Variants in CSMD2 observed in about 807,000 individuals in gnomAD.
CSMD2 encodes CUB and Sushi multiple domains 2, also known as CUB and sushi domain-containing protein 2.
A neutral mutation model predicts 398.5 loss-of-function variants in CSMD2; 130 were observed. The observed-to-expected ratio is 0.33, with a 90% CI of 0.28 to 0.38. The LOEUF (loss-of-function observed/expected upper bound fraction) is 0.38, where lower values mean the gene tolerates loss of function less well. Among genes scored for constraint, CSMD2 ranks in the 10% least tolerant of loss-of-function variants. CSMD2 has a pLI of 1.00. For synonymous variants in CSMD2, 1,828 were observed against 1,908.5 expected (o/e 0.96, Z 1.10); for missense variants, 3,829 against 4,764.9 (o/e 0.80, Z 5.78).
At chr1:33,706,147 T>C (rs1402919850) in intron 22 of CSMD2, among the ~76,000 whole-genome samples, 2 of 152,208 alleles carry the variant, frequency 1.3e-5, no homozygotes, top group Non-Finnish European at 2.9e-5. Flanking sequence ...TCTTCCATGA[T>C]GGCTGTAACT....
At chr1:33,722,431 C>T (rs891068296) in intron 19 of CSMD2, among the ~76,000 whole-genome samples, 7 of 152,216 alleles carry the variant, frequency 4.6e-5, no homozygotes, top group African/African-American at 1.4e-4. Context: ...TGCAAGTGTC[C>T]ACATTATCCC....
At chr1:33,748,753 C>G (rs965084664) in intron 13 of CSMD2, among the ~76,000 whole-genome samples, 1 of 152,098 alleles carries the variant, frequency 6.6e-6, no homozygotes, top group African/African-American at 2.4e-5. Context: ...ATAAAATATA[C>G]TACCCTGAAA....
intron 1 of CSMD2, among the ~76,000 whole-genome samples, chr1:34,098,270 G>A (rs1196789404): frequency 2.6e-5 from 2 of 76,660 alleles, no homozygotes; most frequent in Admixed American, 2.9e-4. Flanking sequence ...TTGTGGGGTG[G>A]GGGGAGGGGG....
Position 33,542,831 on chromosome 1 carries a change from A to G in CSMD2, c.9166T>C (p.Phe3056Leu). ...ARVVFSDGLV[F>L]SSSIVYECRE... ...CACTCATAGACGATAGAGCTGGAGA[A>G]AACCAGGCCATCACTGAACACAACT... The change falls in exon 58 of 71, where the codon TTC becomes CTC. Residue 3056 changes from phenylalanine to leucine, a missense_variant. By Grantham distance (22) the Phe-to-Leu change is conservative. Around this residue, in one of 5 missense-constraint regions of CSMD2, gnomAD observed 917 missense variants for 1,199.5 expected, o/e 0.76. Transcript: ENST00000373381. 1 of 1,614,220 alleles carries G rather than the reference A, an allele frequency of 6.2e-7. No individual in the cohort carries two copies.
chr1:33,945,437 G>A (rs965782168), intron 3 of CSMD2, among the ~76,000 whole-genome samples: 1 of 152,052 alleles, frequency 6.6e-6, no homozygotes, highest in Non-Finnish European at 1.5e-5. Context: ...AAAAAGTTGG[G>A]GCCATTTCTC....
chr1:33,537,243 G>C lies in CSMD2; in HGVS notation c.9806-148C>G, dbSNP rs1026528664. The C allele has an allele frequency of 1.8e-6, 2 of 1,114,712 alleles. No homozygotes were observed. The highest frequency in any genetic ancestry group is 3.1e-5 in the African/African-American group (2 of 64,532). 69.1% of individuals were successfully genotyped at this position (1,114,712 alleles called of 1,614,324 possible). On this transcript the variant is annotated intron_variant, in intron 61 of 70. Coordinates refer to ENST00000373381, the MANE Select transcript of CSMD2 (RefSeq NM_001281956.2). The surrounding 1 kb of genome is among the most constrained non-coding windows in gnomAD (Gnocchi z 4.6). ...GATCCCCACCTGAGCCTTGGCCCTGGCTGTCTATTTGACTCCTCGAAGCAC... is the reference window on the plus strand; with the variant it reads ...GATCCCCACCTGAGCCTTGGCCCTGCCTGTCTATTTGACTCCTCGAAGCAC...
chr1:33,592,560 C>A (rs1639536099), intron 44 of CSMD2: 1 of 715,492 alleles, frequency 1.4e-6, no homozygotes, highest in South Asian at 1.5e-5. Context: ...TGTAGCTAAT[C>A]ATATTGTGTT....
chr1:33,755,079 A>G (rs1648803560), intron 13 of CSMD2, among the ~76,000 whole-genome samples: 1 of 152,022 alleles, frequency 6.6e-6, no homozygotes, highest in African/African-American at 2.4e-5. Flanking sequence ...AGCAGTGCCA[A>G]TTTGTCTGGT....
chr1:33,871,322 A>G (rs1170316175), intron 5 of CSMD2, among the ~76,000 whole-genome samples: 2 of 152,212 alleles, frequency 1.3e-5, no homozygotes, highest in Non-Finnish European at 2.9e-5. Context: ...AATTGCCTCA[A>G]AGACAATTGA....
chr1:34,120,795 T>G (rs1245905623), intron 1 of CSMD2, among the ~76,000 whole-genome samples: 1 of 152,180 alleles, frequency 6.6e-6, no homozygotes, highest in Non-Finnish European at 1.5e-5. Context: ...TCTGCCCACC[T>G]CAGCCTCCCA....
intron 64 of CSMD2, among the ~76,000 whole-genome samples, chr1:33,527,711 G>C (rs552661090): frequency 1.3e-5 from 2 of 152,186 alleles, no homozygotes; most frequent in African/African-American, 2.4e-5. Context: ...CACTCCTAAG[G>C]GTTGTTGTCT....
At chr1:33,522,266 G>C (rs1654380617) in intron 67 of CSMD2, among the ~76,000 whole-genome samples, 1 of 152,172 alleles carries the variant, frequency 6.6e-6, no homozygotes, top group African/African-American at 2.4e-5. Context: ...CACCTTGCTG[G>C]CTATCAAAAG....
At chr1:33,821,020 G>A (rs997183130) in intron 7 of CSMD2, among the ~76,000 whole-genome samples, 5 of 152,224 alleles carry the variant, frequency 3.3e-5, no homozygotes, top group African/African-American at 1.2e-4. Flanking sequence ...ATCAGAAACG[G>A]TAAAGAATGT....
rs545433088 is a variant in CSMD2, at chr1:34,105,707, T to G, written c.188-16514A>C. On this transcript the variant is annotated intron_variant, in intron 1 of 70. Transcript: ENST00000373381. ...TTTAAAATATACTGAAAATCGATCA[T>G]ACACTAATAAGTGCTCCTTTATTAA... is the stretch of plus-strand genomic sequence containing the variant. Among the ~76,000 whole-genome samples, 5 of 152,362 alleles carry G rather than the reference T, an allele frequency of 3.3e-5. No homozygotes were observed. The South Asian group carries it at 1.0e-3, about 32-fold the overall frequency.
chr1:34,105,436 G>C (rs1660437502), intron 1 of CSMD2, among the ~76,000 whole-genome samples: 2 of 152,168 alleles, frequency 1.3e-5, no homozygotes, highest in South Asian at 2.1e-4. Context: ...AGTTCCTAAT[G>C]AAAGTCAGAA....
intron 5 of CSMD2, chr1:33,864,333 A>T (rs1639792941): frequency 6.2e-7 from 1 of 1,613,784 alleles, no homozygotes; most frequent in Non-Finnish European, 8.5e-7. Flanking sequence ...GTGTTCGGAA[A>T]AATGGAGATC....
At chr1:33,663,326 G>T (rs1228625243) in intron 25 of CSMD2, among the ~76,000 whole-genome samples, 1 of 152,108 alleles carries the variant, frequency 6.6e-6, no homozygotes. Context: ...TGTAGGTTTT[G>T]TGCATCCTTT....
chr1:34,165,325 G>A (rs1278877952), upstream of CSMD2: 2 of 1,199,792 alleles, frequency 1.7e-6, no homozygotes, highest in African/African-American at 1.6e-5. Flanking sequence ...CGGGGGGCGG[G>A]AGGGGGTGAA....
rs188761958 is a variant in CSMD2 at position 33,715,023 on chromosome 1, C to T, written c.3218-248G>A. 2.0e-3 allele frequency among the ~76,000 whole-genome samples: 297 copies of T among 152,198 alleles called. 1 individual carries two copies. The highest frequency in any genetic ancestry group is 0.011 in the South Asian group (52 of 4,814). ...GGGGAGGCAGAGGCAGAGAGAAGCACGGGGAGGCCAGGACGGGCGGTCTGC... is the reference window on the plus strand; with the variant it reads ...GGGGAGGCAGAGGCAGAGAGAAGCATGGGGAGGCCAGGACGGGCGGTCTGC... On this transcript the variant is annotated intron_variant, in intron 20 of 70. Coordinates refer to ENST00000373381, the MANE Select transcript of CSMD2 (RefSeq NM_001281956.2).
Sources: allele counts gnomAD v4.1 joint callset (sites outside exome capture counted in the v4.1 genomes callset), GRCh38; gene constraint gnomAD v4.1.1; regional missense constraint gnomAD v4.1.1; non-coding constraint Gnocchi (gnomAD v3.1); transcripts MANE v1.5; gene names NCBI Gene and HGNC (gene_info 2026-07-23, HGNC 2026-07-21).